AMPH: variants seen among roughly 807,000 people sequenced by gnomAD.
The protein encoded by AMPH is amphiphysin.
AMPH carries 49 observed loss-of-function variants against 99.1 expected under a neutral mutation model. That is an observed-to-expected ratio of 0.49 (90% confidence interval 0.39 to 0.63). The LOEUF (loss-of-function observed/expected upper bound fraction) is 0.63, where lower values mean the gene tolerates loss of function less well. Among genes scored for constraint, AMPH ranks in the 20% least tolerant of loss-of-function variants. AMPH has a pLI of 0.00. For synonymous variants in AMPH, 314 were observed against 317.3 expected (o/e 0.99, Z 0.11); for missense variants, 759 against 863.4 (o/e 0.88, Z 1.52).
intron 17 of AMPH, among the ~76,000 whole-genome samples, chr7:38,398,633 AC>A (rs1784753994): frequency 6.6e-6 from 1 of 152,196 alleles, no homozygotes; most frequent in Non-Finnish European, 1.5e-5. Flanking sequence ...CATAACACAA[AC>A]AGGGTGACTA....
intron 11 of AMPH, among the ~76,000 whole-genome samples, chr7:38,451,164 A>T (rs1268331066): frequency 6.6e-6 from 1 of 151,434 alleles, no homozygotes; most frequent in African/African-American, 2.4e-5. Flanking sequence ...AAGTGTTGAG[A>T]TTACAGATGT....
At chr7:38,461,663 C>T (rs1379584388) in intron 10 of AMPH, among the ~76,000 whole-genome samples, 2 of 152,148 alleles carry the variant, frequency 1.3e-5, no homozygotes, top group Non-Finnish European at 2.9e-5. Flanking sequence ...AACTCAAGTA[C>T]AATACACAGA....
At chr7:38,562,996 G>T (rs2129049435) in intron 1 of AMPH, among the ~76,000 whole-genome samples, 1 of 152,280 alleles carries the variant, frequency 6.6e-6, no homozygotes, top group East Asian at 1.9e-4. Flanking sequence ...AACTACATTT[G>T]CACCCAGTTG....
At chr7:38,417,673 A>C in intron 17 of AMPH, 152 bp downstream of exon 17, 1 of 979,176 alleles carries the variant, frequency 1.0e-6, no homozygotes, top group Non-Finnish European at 1.5e-6. Flanking sequence ...GAAAGAGAAC[A>C]GGCATGAAGG....
chr7:38,615,880 C>T (rs1195231578), intron 1 of AMPH, among the ~76,000 whole-genome samples: 1 of 152,180 alleles, frequency 6.6e-6, no homozygotes, highest in Admixed American at 6.5e-5. Flanking sequence ...AATGTCAGTG[C>T]AGCCAGATGG....
At chr7:38,464,013 A>G in intron 9 of AMPH, 1 of 1,260,276 alleles carries the variant, frequency 7.9e-7, no homozygotes, top group Non-Finnish European at 1.0e-6. Flanking sequence ...TTGGGGTCAT[A>G]TGCCAGCAAT....
chr7:38,449,138 T>C (rs999568528), intron 11 of AMPH, among the ~76,000 whole-genome samples: 1 of 152,192 alleles, frequency 6.6e-6, no homozygotes, highest in African/African-American at 2.4e-5. Flanking sequence ...TATTTACCAA[T>C]AATGCACTGA....
chr7:38,592,412 C>T (rs1792889654), intron 1 of AMPH, among the ~76,000 whole-genome samples: 1 of 152,068 alleles, frequency 6.6e-6, no homozygotes, highest in African/African-American at 2.4e-5. Context: ...AAAGAAATGA[C>T]CTTGGGTCCA....
At chr7:38,521,063 T>C (rs999112361) in intron 2 of AMPH, among the ~76,000 whole-genome samples, 10 of 152,250 alleles carry the variant, frequency 6.6e-5, no homozygotes, top group Middle Eastern at 3.4e-3. Flanking sequence ...GTACTATGAA[T>C]GTGAGAGAAA....
At chr7:38,571,281 T>TATATATTAA (rs1562835247) in intron 1 of AMPH, among the ~76,000 whole-genome samples, 1 of 44,084 alleles carries the variant, frequency 2.3e-5, no homozygotes, top group Non-Finnish European at 4.0e-5. Flanking sequence ...ATATATATTT[T>TATATATTAA]TATATATATT....
Position 38,503,655 on chromosome 7 carries a change from A to G in AMPH, c.200T>C (p.Ile67Thr). 1 of 1,614,008 alleles carries G rather than the reference A, an allele frequency of 6.2e-7. No homozygotes were observed. Residue 67 changes from isoleucine (I) to threonine (T), a missense_variant, in exon 3 of 21, where the codon ATC becomes ACC. Ile to Thr is a moderately conservative substitution (Grantham distance 89). Coordinates refer to ENST00000356264, the MANE Select transcript of AMPH (RefSeq NM_001635.4). ...AAACAACTCATACACATTACCTTTGATTGCTGCTAAATATCCTCGGAGTTC... is the reference window on the plus strand; with the variant it reads ...AAACAACTCATACACATTACCTTTGGTTGCTGCTAAATATCCTCGGAGTTC... The part of the protein sequence containing the change: ...QRELRGYLAA[I>T]KGMQEASMKL...
intron 1 of AMPH, among the ~76,000 whole-genome samples, chr7:38,606,325 A>ACTT (rs767631161): frequency 3.3e-5 from 5 of 152,154 alleles, no homozygotes; most frequent in Non-Finnish European, 5.9e-5. Flanking sequence ...CTAGTTCCGG[A>ACTT]ATATTTTCAT....
At chr7:38,528,279 C>T (rs987623335) in intron 2 of AMPH, among the ~76,000 whole-genome samples, 1 of 151,970 alleles carries the variant, frequency 6.6e-6, no homozygotes, top group Non-Finnish European at 1.5e-5. Context: ...AGAAGTGCTC[C>T]CTCCTCTTCT....
intron 1 of AMPH, among the ~76,000 whole-genome samples, chr7:38,572,445 C>A (rs1387624683): frequency 6.6e-6 from 1 of 152,170 alleles, no homozygotes; most frequent in African/African-American, 2.4e-5. Context: ...AATTGCCTAA[C>A]GATTTCTCCT....
At chr7:38,617,488 C>G (rs745423351) in intron 1 of AMPH, among the ~76,000 whole-genome samples, 1 of 152,166 alleles carries the variant, frequency 6.6e-6, no homozygotes, top group Non-Finnish European at 1.5e-5. Flanking sequence ...GCGTGCACCA[C>G]GCATTTATGT....
chr7:38,533,770 T>G (rs1219716215), intron 2 of AMPH, among the ~76,000 whole-genome samples: 1 of 152,154 alleles, frequency 6.6e-6, no homozygotes, highest in Non-Finnish European at 1.5e-5. Flanking sequence ...GACTTTATAA[T>G]GCGCAAACCC....
chr7:38,620,995 A>G (rs1794039388), intron 1 of AMPH, among the ~76,000 whole-genome samples: 1 of 152,184 alleles, frequency 6.6e-6, no homozygotes, highest in Non-Finnish European at 1.5e-5. Context: ...TATCCAAATG[A>G]GAGAAGAGAT....
In AMPH at chr7:38,479,599, T is replaced by C. The variant is rs79272353; in HGVS notation, c.397-2630A>G. ...TTATAACATGTAAAAGAAAAATGTA[T>C]GACAATAACAGTGCAAAGGAAAGGA... is the stretch of plus-strand genomic sequence containing the variant. On this transcript the variant is annotated intron_variant, in intron 5 of 20. Coordinates refer to ENST00000356264, the MANE Select transcript of AMPH (RefSeq NM_001635.4). Among the ~76,000 whole-genome samples, 1,723 of 152,226 alleles carry C rather than the reference T, an allele frequency of 0.011. 77 individuals carry two copies. The East Asian group carries it at 0.16, about 14-fold the overall frequency.
chr7:38,458,626 AGATT>A (rs1183469390), intron 11 of AMPH, among the ~76,000 whole-genome samples: 1 of 152,202 alleles, frequency 6.6e-6, no homozygotes, highest in Non-Finnish European at 1.5e-5. Context: ...TTATCTCAAT[AGATT>A]GAGAAAAAGC....
Sources: gnomAD v4.1 joint callset for allele counts (sites outside exome capture counted in the v4.1 genomes callset) on GRCh38, gnomAD v4.1.1 for gene constraint, MANE v1.5 for transcripts, NCBI Gene and HGNC (gene_info 2026-07-23, HGNC 2026-07-21) for gene names.